The following AGTPBP1 variants were observed in gnomAD, a reference collection of about 807,000 sequenced individuals.
AGTPBP1 encodes the protein ATP/GTP binding carboxypeptidase 1.
A neutral mutation model predicts 143.9 loss-of-function variants in AGTPBP1; 70 were observed. The observed-to-expected ratio is 0.49, with a 90% CI of 0.40 to 0.59. The LOEUF is 0.59. Among genes scored for constraint, AGTPBP1 ranks in the 20% least tolerant of loss-of-function variants. The pLI is 0.00. For synonymous variants in AGTPBP1, 463 were observed against 500.2 expected, an observed-to-expected ratio of 0.93 and a Z score of 0.99; for missense variants, 1,229 against 1,464.5, an observed-to-expected ratio of 0.84 and a Z score of 2.62.
the AGTPBP1 span, among the ~76,000 whole-genome samples, chr9:85,793,183 A>C: frequency 6.6e-6 from 1 of 152,128 alleles, no homozygotes; most frequent in African/African-American, 2.4e-5. Context: ...TTGGCTATTT[A>C]TTACTTATTT....
intron 1 of AGTPBP1, among the ~76,000 whole-genome samples, chr9:85,733,333 G>A (rs1461147871): frequency 6.6e-6 from 1 of 152,024 alleles, no homozygotes; most frequent in African/African-American, 2.4e-5. Context: ...AAAGAAAACT[G>A]GAAAATACAC....
chr9:85,583,126 G>A (rs1320342292), intron 23 of AGTPBP1, among the ~76,000 whole-genome samples: 1 of 152,022 alleles, frequency 6.6e-6, no homozygotes, highest in East Asian at 1.9e-4. Context: ...CATGCTAGGG[G>A]TGTGGAGAAC....
Position 85,613,692 on chromosome 9 carries a change from A to G in AGTPBP1, c.2335+5291T>C, listed in dbSNP as rs549208127. ...CATTTTTTGCAAATTTCATTAAAAC[A>G]TATGTTATTTAAACTGCTCCAGAAC... On this transcript the variant is annotated intron_variant, in intron 17 of 25. Coordinates refer to ENST00000357081, the MANE Select transcript of AGTPBP1 (RefSeq NM_001330701.2). Among the ~76,000 whole-genome samples, 4 of 152,236 alleles carry G rather than the reference A, an allele frequency of 2.6e-5. 1 individual carries two copies. The highest frequency in any genetic ancestry group is 7.2e-5 in the African/African-American group (3 of 41,566).
intron 1 of AGTPBP1, among the ~76,000 whole-genome samples, chr9:85,725,305 A>G (rs12685083): frequency 3.3e-5 from 5 of 152,188 alleles, no homozygotes; most frequent in Admixed American, 2.6e-4. Context: ...TAACAAAAAA[A>G]TTAAAAAAAA....
intron 1 of AGTPBP1, among the ~76,000 whole-genome samples, chr9:85,734,205 A>G (rs189115653): frequency 1.2e-4 from 19 of 152,270 alleles, no homozygotes; most frequent in African/African-American, 3.6e-4. Context: ...GTGAGCCAAG[A>G]TGGCACCACT....
intron 2 of AGTPBP1, among the ~76,000 whole-genome samples, chr9:85,703,647 A>G (rs534948651): frequency 3.9e-5 from 6 of 152,352 alleles, no homozygotes; most frequent in African/African-American, 1.4e-4. Flanking sequence ...CAAAGGCTCA[A>G]TCTGGGGGAA....
At chr9:85,741,290 G>C (rs1824246082) in intron 1 of AGTPBP1, 2 of 985,368 alleles carry the variant, frequency 2.0e-6, no homozygotes, top group Non-Finnish European at 1.2e-6. Flanking sequence ...GCGCTCAGTC[G>C]GGAACGCTAG....
At chr9:85,788,625 A>G in the AGTPBP1 span, among the ~76,000 whole-genome samples, 1 of 149,658 alleles carries the variant, frequency 6.7e-6, no homozygotes, top group Non-Finnish European at 1.5e-5. Context: ...TTTTACCATT[A>G]TAATATATAC....
At chr9:85,725,956 G>A (rs1373318802) in intron 1 of AGTPBP1, among the ~76,000 whole-genome samples, 1 of 150,730 alleles carries the variant, frequency 6.6e-6, no homozygotes, top group African/African-American at 2.5e-5. Flanking sequence ...GGCTGAGGCA[G>A]GAGAATTGCC....
chr9:85,795,739 G>A, the AGTPBP1 span, among the ~76,000 whole-genome samples: 7,928 of 151,736 alleles, frequency 0.052, 719 homozygotes, highest in African/African-American at 0.18. Context: ...GCACTAATTC[G>A]TTTAGGATAA....
chr9:85,739,446 C>A (rs935476452), intron 1 of AGTPBP1, among the ~76,000 whole-genome samples: 1 of 152,142 alleles, frequency 6.6e-6, no homozygotes, highest in African/African-American at 2.4e-5. Flanking sequence ...TGGTGGCGGA[C>A]GCCTGTAATC....
At position 85,741,905 on chromosome 9, in the gene AGTPBP1, A is replaced by AGGCGGCGGCGGCGGCAGCTGCGGC. The variant is rs1554747152; in HGVS notation, c.-188_-165dup. On this transcript the variant is annotated 5_prime_UTR_variant, in exon 1 of 26. Coordinates refer to ENST00000357081, the MANE Select transcript of AGTPBP1 (RefSeq NM_001330701.2). ...CAAACCCCGGTGGCAGGCGAGGCGG[A>AGGCGGCGGCGGCGGCAGCTGCGGC]GGCGGCGGCGGCGGCAGCTGCGGCG... The AGGCGGCGGCGGCGGCAGCTGCGGC allele has an allele frequency of 7.5e-7, 1 of 1,335,100 alleles. No individual in the cohort carries two copies. Among genetic ancestry groups the AGGCGGCGGCGGCGGCAGCTGCGGC allele is most frequent in the African/African-American group, 1.5e-5 (1 of 65,004 alleles). 82.7% of individuals were successfully genotyped at this position (1,335,100 alleles called of 1,614,324 possible).
intron 8 of AGTPBP1, among the ~76,000 whole-genome samples, chr9:85,665,156 G>A (rs192849239): frequency 6.6e-6 from 1 of 152,298 alleles, no homozygotes; most frequent in East Asian, 1.9e-4. Context: ...GGTCATTGCA[G>A]ATGTAACTAG....
At chr9:85,779,138 TAGTC>T in the AGTPBP1 span, among the ~76,000 whole-genome samples, 70 of 151,448 alleles carry the variant, frequency 4.6e-4, no homozygotes, top group African/African-American at 1.6e-3. Context: ...AAACCTGTAT[TAGTC>T]AGGGTTCTCT....
At chr9:85,653,386 T>C (rs1331565009) in intron 11 of AGTPBP1, among the ~76,000 whole-genome samples, 2 of 152,246 alleles carry the variant, frequency 1.3e-5, no homozygotes, top group South Asian at 4.1e-4. Flanking sequence ...CTCATTGGTC[T>C]GAGAAGCAGG....
chr9:85,797,015 G>A, the AGTPBP1 span, among the ~76,000 whole-genome samples: 21 of 151,952 alleles, frequency 1.4e-4, no homozygotes, highest in Admixed American at 2.0e-4. Context: ...TCGATCTCCC[G>A]ACCTCGTGAT....
the AGTPBP1 span, among the ~76,000 whole-genome samples, chr9:85,777,489 C>T: frequency 4.6e-5 from 7 of 152,150 alleles, no homozygotes; most frequent in Non-Finnish European, 1.0e-4. Flanking sequence ...GTTGCTGAGC[C>T]CACATCCCTG....
At chr9:85,614,763 T>C (rs966836339) in intron 17 of AGTPBP1, among the ~76,000 whole-genome samples, 16 of 152,084 alleles carry the variant, frequency 1.1e-4, no homozygotes, top group African/African-American at 3.9e-4. Context: ...TTAGTGTGTA[T>C]GTAGGACCAT....
the AGTPBP1 span, among the ~76,000 whole-genome samples, chr9:85,793,093 C>T: frequency 3.9e-5 from 6 of 151,942 alleles, no homozygotes; most frequent in Middle Eastern, 3.2e-3. Flanking sequence ...ATTTTTATAG[C>T]CATAGAAGTG....
Sources: allele counts gnomAD v4.1 joint callset (sites outside exome capture counted in the v4.1 genomes callset), GRCh38; gene constraint gnomAD v4.1.1; transcripts MANE v1.5; gene names NCBI Gene and HGNC (gene_info 2026-07-23, HGNC 2026-07-21).